The following CLUH variants were observed in gnomAD, a reference collection of about 807,000 sequenced individuals.
CLUH encodes the protein CLUH binding protein of NUMT mRNA.
A neutral mutation model predicts 139.3 loss-of-function variants in CLUH; 77 were observed. The ratio of observed to expected loss-of-function variants is 0.55; its 90% CI spans 0.46 to 0.67. The LOEUF (loss-of-function observed/expected upper bound fraction) is 0.67, where lower values mean the gene tolerates loss of function less well. Among genes scored for constraint, CLUH ranks in the 30% least tolerant of loss-of-function variants. CLUH has a pLI of 0.00. For synonymous variants in CLUH, 999 were observed against 801.6 expected (o/e 1.25, Z -4.16); for missense variants, 1,876 against 1,875.8 (o/e 1.00, Z 0.00).
At chr17:2,697,272 G>T (rs540448709) in intron 10 of CLUH, among the ~76,000 whole-genome samples, 1 of 152,134 alleles carries the variant, frequency 6.6e-6, no homozygotes, top group East Asian at 1.9e-4. Context: ...GGTGGTGCAC[G>T]CCTGTAATAC....
At chr17:2,692,949 C>T (rs757294062) in intron 19 of CLUH, 89 bp from the exon 20 acceptor site, 16 of 1,301,096 alleles carry the variant, frequency 1.2e-5, no homozygotes, top group South Asian at 1.5e-5. Flanking sequence ...CCCACGGTGC[C>T]GCTCTGCAGG....
In CLUH at chr17:2,703,590, C is replaced by G; in HGVS notation, c.304-101G>C. 1 of 1,188,220 alleles carries G rather than the reference C, an allele frequency of 8.4e-7. No individual in the cohort carries two copies. The allele number at this position is 1,188,220 out of a possible 1,614,324, so 73.6% of individuals were successfully genotyped here. ...GAGGCCACGTAGCGGACAGCAAGGA[C>G]AATATCCCCTTGTCCCCAGCCCAAA... On this transcript the variant is annotated intron_variant, in intron 2 of 25. Coordinates refer to ENST00000651024, the MANE Select transcript of CLUH (RefSeq NM_001366661.1). The surrounding 1 kb of genome is among the most constrained non-coding windows in gnomAD (Gnocchi z 4.2).
chr17:2,707,448 G>A lies in CLUH; in HGVS notation c.101-2884C>T. 1 of 985,408 alleles carries A rather than the reference G, an allele frequency of 1.0e-6. No homozygotes were observed. Among genetic ancestry groups the A allele is most frequent in the African/African-American group, 1.7e-5 (1 of 57,346 alleles). 61.0% of individuals were successfully genotyped at this position (985,408 alleles called of 1,614,324 possible). On this transcript the variant is annotated intron_variant, in intron 1 of 25. Coordinates refer to ENST00000651024, the MANE Select transcript of CLUH (RefSeq NM_001366661.1). The surrounding 1 kb of genome is among the most constrained non-coding windows in gnomAD (Gnocchi z 7.4). ...AAGGTCGGCCAGAAGGACGGCTGTG[G>A]GCCAGGAGAACCCGGTGGCCCCAGG...
In CLUH at chr17:2,704,316, C is replaced by T; in HGVS notation, c.303+46G>A. 6.4e-7 allele frequency: 1 copy of T among 1,572,054 alleles called. No homozygotes were observed. The highest frequency in any genetic ancestry group is 8.7e-7 in the Non-Finnish European group (1 of 1,155,742). On this transcript the variant is annotated intron_variant, in intron 2 of 25. Transcript: ENST00000651024. The surrounding 1 kb of genome is among the most constrained non-coding windows in gnomAD (Gnocchi z 5.7). ...GGCTGAGCTTTCCAGCTCACCCTCC[C>T]CAGCAGGCTCAGGCCTGGCCCCCAG... is the stretch of plus-strand genomic sequence containing the variant.
intron 10 of CLUH, 43 bp downstream of exon 10, chr17:2,697,853 C>T: frequency 2.8e-6 from 4 of 1,442,814 alleles, no homozygotes; most frequent in Non-Finnish European, 3.6e-6. Context: ...CCCGCACTCC[C>T]TGCAGCTGGC....
intron 11 of CLUH, 28 bp from the exon 12 acceptor site, chr17:2,696,566 G>C: frequency 6.5e-7 from 1 of 1,545,572 alleles, no homozygotes; most frequent in Non-Finnish European, 8.7e-7. Flanking sequence ...CATGAGACAC[G>C]GGTCCCCTCT....
In CLUH at chr17:2,692,986, C is replaced by T. The variant is rs374645655; in HGVS notation, c.3232-126G>A. On this transcript the variant is annotated intron_variant, in intron 19 of 25. Coordinates refer to ENST00000651024, the MANE Select transcript of CLUH (RefSeq NM_001366661.1). ...TCCTGTCCCCTCCGGCTGCGCCCAG[C>T]ACAGTGCAGCAGGGGGGAGGGGGAT... is the stretch of plus-strand genomic sequence containing the variant. The T allele has an allele frequency of 7.3e-5, 65 of 889,428 alleles. No individual in the cohort carries two copies. In the East Asian group the frequency reaches 1.6e-3, roughly 22 times the overall value. The allele number at this position is 889,428 out of a possible 1,614,324, so 55.1% of individuals were successfully genotyped here. A position where few individuals can be genotyped will look rare whatever the true frequency, so the allele number is the denominator to read the frequency against.
chr17:2,692,102 CGGGAGGCGCGGCGCGGGGCGAGGGA>C lies in CLUH; in HGVS notation c.3561-30_3561-6del. On this transcript the variant is annotated splice_region_variant and splice_polypyrimidine_tract_variant and intron_variant, in intron 22 of 25. Coordinates refer to ENST00000651024, the MANE Select transcript of CLUH (RefSeq NM_001366661.1). The stretch of plus-strand genomic sequence containing the variant: ...ACTCGGGCGACAAGGTGGTGGCTGC[CGGGAGGCGCGGCGCGGGGCGAGGGA>C]AGGGCATAAGTGGGCTGGGTGTGGG... 1 of 1,596,926 alleles carries C rather than the reference CGGGAGGCGCGGCGCGGGGCGAGGGA, an allele frequency of 6.3e-7. No individual in the cohort carries two copies. The highest frequency in any genetic ancestry group is 8.5e-7 in the Non-Finnish European group (1 of 1,173,078).
At position 2,690,589 on chromosome 17, in the gene CLUH, CCTCT is replaced by C; in HGVS notation, c.*1_*4del. On this transcript the variant is annotated 3_prime_UTR_variant, in exon 26 of 26. Transcript: ENST00000651024. ...CGCTGGCTGGCTGTCCGTCTGGCTC[CCTCT>C]CTATCCCTGCACGCTCGGAGAAGGG... is the stretch of plus-strand genomic sequence containing the variant. 1 of 1,450,230 alleles carries C rather than the reference CCTCT, an allele frequency of 6.9e-7. No individual in the cohort carries two copies. Among genetic ancestry groups the C allele is most frequent in the Middle Eastern group, 1.9e-4 (1 of 5,260 alleles). The allele number at this position is 1,450,230 out of a possible 1,614,324, so 89.8% of individuals were successfully genotyped here.
At chr17:2,705,429 C>T (rs1311387547) in intron 1 of CLUH, among the ~76,000 whole-genome samples, 1 of 152,146 alleles carries the variant, frequency 6.6e-6, no homozygotes, top group Non-Finnish European at 1.5e-5. Context: ...TGCCTGCTCC[C>T]TGCTGAGGTC....
At chr17:2,690,884 T>C (rs2069598933) in intron 25 of CLUH, 107 bp from the exon 26 acceptor site, 1 of 861,982 alleles carries the variant, frequency 1.2e-6, no homozygotes, top group Non-Finnish European at 1.6e-6. Context: ...CTCTATTCAG[T>C]GGGGAATGTG....
Position 2,705,509 on chromosome 17 carries a change from C to G in CLUH, c.101-945G>C, listed in dbSNP as rs548831084. Among the ~76,000 whole-genome samples, 17 of 152,298 alleles carry G rather than the reference C, an allele frequency of 1.1e-4. No individual in the cohort carries two copies. In the South Asian group the frequency reaches 3.5e-3, roughly 32 times the overall value. On this transcript the variant is annotated intron_variant, in intron 1 of 25. Transcript: ENST00000651024. Reference sequence around the variant, plus strand: ...CCACCGCCCTCCCACCGCTGTGCTTCTGTGTCTGTGCTGCCCCTGACATCC... The same window carrying G: ...CCACCGCCCTCCCACCGCTGTGCTTGTGTGTCTGTGCTGCCCCTGACATCC...
chr17:2,695,169 C>G (rs766783754), intron 15 of CLUH, 49 bp downstream of exon 15: 3 of 1,613,706 alleles, frequency 1.9e-6, no homozygotes, highest in Non-Finnish European at 2.5e-6. Context: ...CCCGACGCCC[C>G]ACACCACCCT....
chr17:2,704,654 G>A lies in CLUH; in HGVS notation c.101-90C>T, dbSNP rs774608089. The A allele has an allele frequency of 2.1e-5, 27 of 1,262,194 alleles. No homozygotes were observed. Among genetic ancestry groups the A allele is most frequent in the South Asian group, 1.2e-4 (8 of 68,224 alleles). 78.2% of individuals were successfully genotyped at this position (1,262,194 alleles called of 1,614,324 possible). On this transcript the variant is annotated intron_variant, in intron 1 of 25. Transcript: ENST00000651024. This position sits in a 1 kb window ranked among gnomAD's most constrained non-coding sequence, Gnocchi z 5.7. ...CCCCACACGGGGACACGTGCCTTCT[G>A]GAAAGGCATCTGCATGCCCTCGAGA...
At position 2,703,560 on chromosome 17, in the gene CLUH, G is replaced by A. The variant is rs138474191; in HGVS notation, c.304-71C>T. The A allele has an allele frequency of 0.029, 43,645 of 1,497,084 alleles. 907 individuals are homozygous for A. The highest frequency in any genetic ancestry group is 0.088 in the Admixed American group (5,057 of 57,772). 92.7% of individuals were successfully genotyped at this position (1,497,084 alleles called of 1,614,324 possible). ...GGGGAGAGAAGGCCCCAACCGCCCC[G>A]GTGAGAGGCCACGTAGCGGACAGCA... On this transcript the variant is annotated intron_variant, in intron 2 of 25. Transcript: ENST00000651024. The surrounding 1 kb of genome is among the most constrained non-coding windows in gnomAD (Gnocchi z 4.2).
chr17:2,700,401 C>T lies in CLUH; in HGVS notation c.1247G>A (p.Arg416Gln), dbSNP rs2070133347. 1 of 1,612,992 alleles carries T rather than the reference C, an allele frequency of 6.2e-7. No homozygotes were observed. The highest frequency in any genetic ancestry group is 1.3e-5 in the African/African-American group (1 of 75,042). Residue 416 changes from arginine to glutamine, a missense_variant, in exon 9 of 26, where the codon CGA (arginine) becomes CAA (glutamine). By Grantham distance (43) the Arg-to-Gln change is conservative (BLOSUM62 1). Transcript: ENST00000651024. Reference protein sequence around the residue: ...PRKNLPERLLRERAIFKVHSD... With the variant: ...PRKNLPERLLQERAIFKVHSD... ...AGGCACCTTGAATATGGCCCTTTCT[C>T]GGAGCAGCCGCTCAGGCAGGTTCTT...
At position 2,703,577 on chromosome 17, in the gene CLUH, C is replaced by T. The variant is rs539285297; in HGVS notation, c.304-88G>A. ...ACCGCCCCGGTGAGAGGCCACGTAG[C>T]GGACAGCAAGGACAATATCCCCTTG... On this transcript the variant is annotated intron_variant, in intron 2 of 25. Transcript: ENST00000651024. The surrounding 1 kb of genome is among the most constrained non-coding windows in gnomAD (Gnocchi z 4.2). 18 of 1,362,384 alleles carry T rather than the reference C, an allele frequency of 1.3e-5. No homozygotes were observed. Among genetic ancestry groups the T allele is most frequent in the East Asian group, 1.2e-4 (5 of 43,134 alleles). 84.4% of individuals were successfully genotyped at this position (1,362,384 alleles called of 1,614,324 possible). A position where few individuals can be genotyped will look rare whatever the true frequency, so the allele number is the denominator to read the frequency against.
chr17:2,703,355 C>G lies in CLUH; in HGVS notation c.438G>C (p.Glu146Asp). 5 of 1,612,914 alleles carry G rather than the reference C, an allele frequency of 3.1e-6. No individual in the cohort carries two copies. The highest frequency in any genetic ancestry group is 4.2e-6 in the Non-Finnish European group (5 of 1,179,598). Residue 146 changes from glutamate to aspartate, a missense_variant, in exon 3 of 26, where the codon GAG (glutamate) becomes GAC (aspartate). Glu to Asp is a conservative substitution (Grantham distance 45). Transcript: ENST00000651024. The surrounding 1 kb of genome is among the most constrained non-coding windows in gnomAD (Gnocchi z 4.2). ...LDHFSELRSVEGLQEGSVLRV... is the reference protein window; with the variant it reads ...LDHFSELRSVDGLQEGSVLRV... ...GCAGCACAGAGCCCTCCTGCAGCCC[C>G]TCGACGCTGCGCAGCTCCGAGAAGT...
intron 1 of CLUH, among the ~76,000 whole-genome samples, chr17:2,705,103 T>G (rs1277862945): frequency 2.0e-5 from 3 of 150,744 alleles, no homozygotes; most frequent in African/African-American, 7.3e-5. Context: ...CTGTCCTCTC[T>G]CCAGCCTTTT....
Sources: allele counts gnomAD v4.1 joint callset (sites outside exome capture counted in the v4.1 genomes callset), GRCh38; gene constraint gnomAD v4.1.1; non-coding constraint Gnocchi (gnomAD v3.1); transcripts MANE v1.5; gene names NCBI Gene and HGNC (gene_info 2026-07-23, HGNC 2026-07-21).